IQUB: variants seen among roughly 807,000 people sequenced by gnomAD.
The protein encoded by IQUB is IQ motif and ubiquitin-like domain-containing protein.
Under a neutral mutation model 86.4 loss-of-function variants are expected in IQUB, and 86 were observed. The ratio of observed to expected loss-of-function variants is 1.00; its 90% CI spans 0.84 to 1.19. The LOEUF is 1.19. Ranked by LOEUF, IQUB falls within the 50% of genes most tolerant of loss-of-function variation. The pLI, the probability that IQUB is intolerant of heterozygous loss-of-function variation, is 0.00. For missense variants in IQUB, 946 were observed against 916.9 expected (o/e 1.03, Z -0.41); for synonymous variants, 289 against 304.5 (o/e 0.95, Z 0.53).
At chr7:123,523,411 G>A (rs1318183415) in intron 1 of IQUB, among the ~76,000 whole-genome samples, 1 of 151,540 alleles carries the variant, frequency 6.6e-6, no homozygotes, top group South Asian at 2.1e-4. Flanking sequence ...GGTGTGAGAT[G>A]ATATCTCATT....
chr7:123,517,566 C>T (rs1013685356), intron 1 of IQUB, among the ~76,000 whole-genome samples: 3 of 143,176 alleles, frequency 2.1e-5, no homozygotes, highest in African/African-American at 7.7e-5. Flanking sequence ...AAGAAAGAGA[C>T]CCTATATCTT....
chr7:123,482,509 T>A (rs535487162), intron 7 of IQUB, among the ~76,000 whole-genome samples: 1 of 152,132 alleles, frequency 6.6e-6, no homozygotes, highest in South Asian at 2.1e-4. Context: ...TATATAGAAA[T>A]ATTCCAATTG....
chr7:123,533,766 G>T (rs1459033266), intron 1 of IQUB, among the ~76,000 whole-genome samples: 1 of 152,194 alleles, frequency 6.6e-6, no homozygotes. Flanking sequence ...GTGGAAGGTG[G>T]CCTGGAGATG....
intron 10 of IQUB, among the ~76,000 whole-genome samples, chr7:123,462,289 A>G (rs1794026574): frequency 6.6e-6 from 1 of 151,798 alleles, no homozygotes; most frequent in Admixed American, 6.6e-5. Flanking sequence ...CAGAGTTTGC[A>G]TGTGATATAT....
chr7:123,525,006 T>C (rs1797122992), intron 1 of IQUB, among the ~76,000 whole-genome samples: 1 of 152,226 alleles, frequency 6.6e-6, no homozygotes, highest in Non-Finnish European at 1.5e-5. Flanking sequence ...ATTACATTTA[T>C]TGATTTGCGT....
At chr7:123,530,269 CT>C (rs1338973102) in intron 1 of IQUB, among the ~76,000 whole-genome samples, 3 of 151,796 alleles carry the variant, frequency 2.0e-5, no homozygotes, top group South Asian at 2.1e-4. Flanking sequence ...AACCCCGTCT[CT>C]ACTAAAATAC....
At chr7:123,522,376 G>A (rs1796946197) in intron 1 of IQUB, among the ~76,000 whole-genome samples, 1 of 152,164 alleles carries the variant, frequency 6.6e-6, no homozygotes, top group Non-Finnish European at 1.5e-5. Context: ...TTTGTACATA[G>A]GGTAAAACGC....
chr7:123,526,464 G>T (rs1037324752), intron 1 of IQUB, among the ~76,000 whole-genome samples: 4 of 152,176 alleles, frequency 2.6e-5, no homozygotes, highest in Admixed American at 6.5e-5. Context: ...GGCCTTCTTT[G>T]TATCTTTTGA....
intron 7 of IQUB, among the ~76,000 whole-genome samples, chr7:123,488,340 CAAAAAAAAGAAAAAAA>C (rs948358295): frequency 7.9e-4 from 60 of 75,684 alleles, no homozygotes; most frequent in Non-Finnish European, 1.5e-3. Context: ...GACTCTGTCT[CAAAAAAAAGAAAAAAA>C]AAAAAAAAGA....
chr7:123,496,989 T>C, intron 6 of IQUB, 83 bp from the exon 7 acceptor site: 1 of 776,350 alleles, frequency 1.3e-6, no homozygotes, highest in Non-Finnish European at 2.0e-6. Context: ...ATTATTTCAA[T>C]TCCAATTCCA....
chr7:123,461,310 C>G (rs774427388), intron 11 of IQUB, 47 bp downstream of exon 11: 14 of 1,544,754 alleles, frequency 9.1e-6, no homozygotes, highest in African/African-American at 1.4e-5. Flanking sequence ...GCAAGATAGC[C>G]TCCTTGACAA....
intron 12 of IQUB, among the ~76,000 whole-genome samples, chr7:123,454,118 T>C (rs537337490): frequency 6.6e-6 from 1 of 152,204 alleles, no homozygotes; most frequent in South Asian, 2.1e-4. Context: ...TAAAATTTCC[T>C]CTTAACAGAA....
intron 7 of IQUB, among the ~76,000 whole-genome samples, chr7:123,490,147 C>T (rs1480294824): frequency 2.6e-5 from 4 of 151,292 alleles, no homozygotes; most frequent in Non-Finnish European, 5.9e-5. Flanking sequence ...ATGTTGCCTA[C>T]AAAAAACACA....
chr7:123,469,722 G>C (rs1455903355), intron 8 of IQUB, among the ~76,000 whole-genome samples: 1 of 152,100 alleles, frequency 6.6e-6, no homozygotes, highest in East Asian at 1.9e-4. Flanking sequence ...CAATTATATT[G>C]AGTGTATATA....
rs541593550 is a variant in IQUB at position 123,525,117 on chromosome 7, A to G, written c.-5+9375T>C. Among the ~76,000 whole-genome samples, 11 of 152,228 alleles carry G rather than the reference A, an allele frequency of 7.2e-5. No homozygotes were observed. The East Asian group carries it at 9.7e-4, about 13-fold the overall frequency. ...ATTCGGTTTGCCAGTATTTTATTGA[A>G]GATTTTTGCATCAATGTTCATCAAG... On this transcript the variant is annotated intron_variant, in intron 1 of 12. Transcript: ENST00000324698.
intron 9 of IQUB, among the ~76,000 whole-genome samples, chr7:123,467,989 T>TAAG (rs1794340974): frequency 6.6e-6 from 1 of 152,238 alleles, no homozygotes; most frequent in Non-Finnish European, 1.5e-5. Context: ...TTTTCTTGCT[T>TAAG]ATAGAGGTAA....
intron 11 of IQUB, among the ~76,000 whole-genome samples, chr7:123,459,044 C>A (rs1200387843): frequency 6.6e-6 from 1 of 151,830 alleles, no homozygotes; most frequent in Non-Finnish European, 1.5e-5. Flanking sequence ...AATACTATTA[C>A]TGAAATAAAT....
At position 123,506,798 on chromosome 7, in the gene IQUB, A is replaced by G. The variant is rs148661812; in HGVS notation, c.532+3103T>C. Among the ~76,000 whole-genome samples, 885 of 152,318 alleles carry G rather than the reference A, an allele frequency of 5.8e-3. 11 individuals carry two copies. The highest frequency in any genetic ancestry group is 0.015 in the Admixed American group (232 of 15,298). On this transcript the variant is annotated intron_variant, in intron 3 of 12. Transcript: ENST00000324698. ...AGAATCCCTTACTTTCTCTCTTTTC[A>G]TAATCAGAAACTCATATAAATTAAT...
At position 123,452,867 on chromosome 7, in the gene IQUB, T is replaced by C. The variant is rs146017906; in HGVS notation, c.2252A>G (p.Tyr751Cys). ...AGCCAGCACTGGAACCTGAGAAAAA[T>C]AGTTCTTAGCCAGGATATGTTTGTG... is the stretch of plus-strand genomic sequence containing the variant. ...IKHKHILAKNYFSQVPVLASF... is the reference protein window; with the variant it reads ...IKHKHILAKNCFSQVPVLASF... Residue 751 changes from tyrosine (Y) to cysteine (C), a missense_variant, in exon 13 of 13, where the codon TAT (tyrosine) becomes TGT (cysteine). Transcript: ENST00000324698. 54 of 1,613,588 alleles carry C rather than the reference T, an allele frequency of 3.3e-5. No homozygotes were observed. The highest frequency in any genetic ancestry group is 3.3e-4 in the East Asian group (15 of 44,834).
Sources: allele counts gnomAD v4.1 joint callset (sites outside exome capture counted in the v4.1 genomes callset), GRCh38; gene constraint gnomAD v4.1.1; transcripts MANE v1.5; gene names NCBI Gene and HGNC (gene_info 2026-07-23, HGNC 2026-07-21).